The following TMPRSS11F variants were observed in gnomAD, a reference collection of about 807,000 sequenced individuals.
TMPRSS11F encodes the protein transmembrane serine protease 11F.
TMPRSS11F carries 47 observed loss-of-function variants against 60.2 expected under a neutral mutation model. The observed-to-expected ratio is 0.78, with a 90% CI of 0.62 to 1.00. The LOEUF (loss-of-function observed/expected upper bound fraction) is 1.00. Ranked by LOEUF, TMPRSS11F falls within the 50% of genes least tolerant of loss-of-function variation. TMPRSS11F has a pLI of 0.00. For synonymous variants in TMPRSS11F, 166 were observed against 167.3 expected, an observed-to-expected ratio of 0.99 and a Z score of 0.06; for missense variants, 519 against 522.9, an observed-to-expected ratio of 0.99 and a Z score of 0.07.
At chr4:68,110,508 T>C (rs1560409870) in intron 1 of TMPRSS11F, among the ~76,000 whole-genome samples, 1 of 152,142 alleles carries the variant, frequency 6.6e-6, no homozygotes, top group South Asian at 2.1e-4. Context: ...AGAGATAGTA[T>C]AACATACTAG....
At chr4:68,083,762 T>C (rs888429775) in intron 3 of TMPRSS11F, among the ~76,000 whole-genome samples, 1 of 152,148 alleles carries the variant, frequency 6.6e-6, no homozygotes, top group Non-Finnish European at 1.5e-5. Context: ...ACTCTGGCAA[T>C]TCAAAAAGTC....
intron 1 of TMPRSS11F, among the ~76,000 whole-genome samples, chr4:68,123,664 G>C (rs1724663391): frequency 6.6e-6 from 1 of 152,136 alleles, no homozygotes. Flanking sequence ...AGACGATTAT[G>C]GAAAATGAAT....
chr4:68,056,662 TTC>T (rs35244253), intron 9 of TMPRSS11F, among the ~76,000 whole-genome samples: 145,152 of 152,096 alleles, frequency 0.95, 69,657 homozygotes, highest in East Asian at 1. Flanking sequence ...CCAATGCCAT[TTC>T]TTTCACAAAG....
chr4:68,090,526 T>C lies in TMPRSS11F; in HGVS notation c.279A>G (p.Arg93=). The C allele has an allele frequency of 1.3e-6, 2 of 1,582,262 alleles. No individual in the cohort carries two copies. Among genetic ancestry groups the C allele is most frequent in the Non-Finnish European group, 1.7e-6 (2 of 1,167,474 alleles). ...EFIERSHQIE[R]MMSRIFRHSS... ...TTAAAATTTCTGTTGAGCTTACCAT[T>C]CTTTCAATCTGATGACTCCTTTCTA... The change falls in exon 3 of 10, where the codon AGA becomes AGG. Residue 93 remains arginine, a synonymous_variant. Coordinates refer to ENST00000356291, the MANE Select transcript of TMPRSS11F (RefSeq NM_207407.2).
intron 3 of TMPRSS11F, among the ~76,000 whole-genome samples, chr4:68,079,430 G>T (rs1428000141): frequency 2.0e-5 from 3 of 152,140 alleles, no homozygotes; most frequent in African/African-American, 2.4e-5. Flanking sequence ...AACCCTTAAA[G>T]AAGCCCTCAA....
chr4:68,057,064 C>T (rs1049227602), intron 9 of TMPRSS11F, among the ~76,000 whole-genome samples: 35 of 151,992 alleles, frequency 2.3e-4, no homozygotes, highest in African/African-American at 8.2e-4. Context: ...GCAGGTGGAT[C>T]ACTTAAGGTC....
chr4:68,054,159 G>A, intron 9 of TMPRSS11F, 92 bp from the exon 10 acceptor site: 1 of 1,160,594 alleles, frequency 8.6e-7, no homozygotes, highest in Admixed American at 2.2e-5. Context: ...AAAGGAAATT[G>A]GTACACAGAC....
intron 1 of TMPRSS11F, among the ~76,000 whole-genome samples, chr4:68,129,586 C>A (rs1724779306): frequency 6.6e-6 from 1 of 152,026 alleles, no homozygotes; most frequent in Non-Finnish European, 1.5e-5. Context: ...ATTTCTATTT[C>A]TTTTATTTAG....
At chr4:68,067,047 T>G (rs576444699) in intron 7 of TMPRSS11F, among the ~76,000 whole-genome samples, 1 of 152,172 alleles carries the variant, frequency 6.6e-6, no homozygotes, top group Non-Finnish European at 1.5e-5. Context: ...AAATTATTAA[T>G]ATATCACTTC....
chr4:68,084,295 T>C (rs982711754), intron 3 of TMPRSS11F, among the ~76,000 whole-genome samples: 92 of 152,036 alleles, frequency 6.1e-4, no homozygotes, highest in African/African-American at 2.1e-3. Flanking sequence ...GAAGTTGACA[T>C]GCAAATTCAA....
intron 9 of TMPRSS11F, among the ~76,000 whole-genome samples, chr4:68,058,318 C>T (rs1254071601): frequency 6.6e-6 from 1 of 152,040 alleles, no homozygotes; most frequent in African/African-American, 2.4e-5. Flanking sequence ...TATCAAATGT[C>T]ACATTGTACT....
intron 2 of TMPRSS11F, 36 bp downstream of exon 2, chr4:68,098,851 G>C (rs1478302592): frequency 1.3e-6 from 2 of 1,571,650 alleles, no homozygotes; most frequent in African/African-American, 1.4e-5. Flanking sequence ...AAGTCATGGA[G>C]TACTTAGGCA....
At chr4:68,112,018 C>T (rs1244835789) in intron 1 of TMPRSS11F, among the ~76,000 whole-genome samples, 1 of 152,158 alleles carries the variant, frequency 6.6e-6, no homozygotes, top group Non-Finnish European at 1.5e-5. Context: ...TTCCACATTT[C>T]TCCGCAGCAA....
intron 1 of TMPRSS11F, among the ~76,000 whole-genome samples, chr4:68,111,954 T>C (rs1724417122): frequency 6.6e-6 from 1 of 152,180 alleles, no homozygotes. Context: ...TTAAGTTCTA[T>C]CTCATTATGT....
chr4:68,096,623 A>G (rs778556426), intron 2 of TMPRSS11F, among the ~76,000 whole-genome samples: 4 of 152,156 alleles, frequency 2.6e-5, no homozygotes, highest in Non-Finnish European at 5.9e-5. Flanking sequence ...AAAGTCACTG[A>G]TTTTATTAAT....
At chr4:68,070,859 T>C (rs1723445615) in intron 5 of TMPRSS11F, among the ~76,000 whole-genome samples, 1 of 152,216 alleles carries the variant, frequency 6.6e-6, no homozygotes, top group African/African-American at 2.4e-5. Flanking sequence ...ACTAGAGGTT[T>C]CATGGATATG....
At chr4:68,078,285 T>G (rs975724562) in intron 3 of TMPRSS11F, among the ~76,000 whole-genome samples, 2 of 152,114 alleles carry the variant, frequency 1.3e-5, no homozygotes, top group African/African-American at 4.8e-5. Flanking sequence ...TTCCTACAAC[T>G]TTTTTCCCCC....
At chr4:68,123,659 A>G (rs1724663214) in intron 1 of TMPRSS11F, among the ~76,000 whole-genome samples, 1 of 152,208 alleles carries the variant, frequency 6.6e-6, no homozygotes, top group African/African-American at 2.4e-5. Context: ...AAGCAAGACG[A>G]TTATGGAAAA....
intron 1 of TMPRSS11F, among the ~76,000 whole-genome samples, chr4:68,119,998 A>C (rs768508555): frequency 3.9e-5 from 6 of 152,112 alleles, no homozygotes; most frequent in Non-Finnish European, 8.8e-5. Flanking sequence ...GTTGATTCCA[A>C]CTCTCATGGA....
Sources: allele counts gnomAD v4.1 joint callset (sites outside exome capture counted in the v4.1 genomes callset), GRCh38; gene constraint gnomAD v4.1.1; transcripts MANE v1.5; gene names NCBI Gene and HGNC (gene_info 2026-07-23, HGNC 2026-07-21).